The following TRIM71 variants were observed in gnomAD, a reference collection of about 807,000 sequenced individuals.
The protein encoded by TRIM71 is tripartite motif containing 71.
TRIM71 carries 9 observed loss-of-function variants against 61.2 expected under a neutral mutation model. The observed-to-expected ratio is 0.15, with a 90% CI of 0.09 to 0.26. The LOEUF (loss-of-function observed/expected upper bound fraction) is 0.26, where lower values mean the gene tolerates loss of function less well. TRIM71 is among the 10% of genes least tolerant of loss of function. TRIM71 has a pLI of 1.00. For missense variants in TRIM71, 998 were observed against 1,238.7 expected, an observed-to-expected ratio of 0.81 and a Z score of 2.92; for synonymous variants, 645 against 553.2, an observed-to-expected ratio of 1.17 and a Z score of -2.33.
At chr3:32,863,789 C>G (rs1214889996) in intron 1 of TRIM71, among the ~76,000 whole-genome samples, 1 of 152,020 alleles carries the variant, frequency 6.6e-6, no homozygotes, top group African/African-American at 2.4e-5. Context: ...TCAAGCAATT[C>G]TCCTGCCTCA....
intron 2 of TRIM71, among the ~76,000 whole-genome samples, chr3:32,874,395 C>T (rs1696833105): frequency 6.6e-6 from 1 of 152,042 alleles, no homozygotes; most frequent in Non-Finnish European, 1.5e-5. Flanking sequence ...ATGAGTCTTG[C>T]CCTGTCACCC....
intron 1 of TRIM71, among the ~76,000 whole-genome samples, chr3:32,848,912 C>T (rs947200613): frequency 2.0e-5 from 3 of 152,172 alleles, no homozygotes; most frequent in African/African-American, 7.2e-5. Flanking sequence ...CCCTAAGCCC[C>T]TAAACCCCAA....
At chr3:32,849,360 G>GT (rs1367536152) in intron 1 of TRIM71, among the ~76,000 whole-genome samples, 2 of 149,478 alleles carry the variant, frequency 1.3e-5, no homozygotes, top group East Asian at 4.0e-4. Context: ...GAGTTTTTTT[G>GT]GTTTTTTTTT....
chr3:32,875,834 CA>C (rs542398344), intron 2 of TRIM71, among the ~76,000 whole-genome samples: 1 of 151,656 alleles, frequency 6.6e-6, no homozygotes, highest in African/African-American at 2.4e-5. Context: ...GACTCTGTTT[CA>C]AAAAAAATCC....
rs562608109 is a variant in TRIM71, at chr3:32,893,547, C to G, written c.*1736C>G. On this transcript the variant is annotated 3_prime_UTR_variant, in exon 4 of 4. Transcript: ENST00000383763. ...CCTCCTCAGGGAAAAGAGGGACTCT[C>G]AAACAAACGTCAGTGACTTACAAGG... The G allele has an allele frequency of 6.6e-6, 1 of 152,164 alleles. No homozygotes were observed. Among genetic ancestry groups the G allele is most frequent in the Non-Finnish European group, 1.5e-5 (1 of 68,040 alleles). 9.4% of individuals were successfully genotyped at this position (152,164 alleles called of 1,614,324 possible).
At chr3:32,852,333 T>C (rs1161406173) in intron 1 of TRIM71, among the ~76,000 whole-genome samples, 2 of 152,208 alleles carry the variant, frequency 1.3e-5, no homozygotes, top group Non-Finnish European at 2.9e-5. Context: ...TTTCTCCAGC[T>C]TCTCCATATG....
At position 32,818,304 on chromosome 3, in the gene TRIM71, T is replaced by G. The variant is rs1696081423; in HGVS notation, c.224T>G (p.Leu75Arg). The change falls in exon 1 of 4, where the codon CTG becomes CGG. Residue 75 changes from leucine to arginine, a missense_variant. Around this residue, in one of 5 missense-constraint regions of TRIM71, gnomAD observed 527 missense variants for 427.8 expected, o/e 1.23. Coordinates refer to ENST00000383763, the MANE Select transcript of TRIM71 (RefSeq NM_001039111.3). ...CGCCCCTGCCTCGAGGCGCACCGGC[T>G]GCCGGCGGCGGGCGGCGGCGCGGCG... is the stretch of plus-strand genomic sequence containing the variant. ...FCRPCLEAHR[L>R]PAAGGGAAGE... The G allele has an allele frequency of 5.6e-6, 8 of 1,434,768 alleles. No individual in the cohort carries two copies. The highest frequency in any genetic ancestry group is 2.7e-5 in the South Asian group (2 of 72,836). 88.9% of individuals were successfully genotyped at this position (1,434,768 alleles called of 1,614,324 possible).
chr3:32,874,845 G>A (rs1204848640), intron 2 of TRIM71, among the ~76,000 whole-genome samples: 1 of 151,362 alleles, frequency 6.6e-6, no homozygotes, highest in African/African-American at 2.4e-5. Flanking sequence ...TTTGAGACAA[G>A]AGTCTCACTC....
At chr3:32,883,013 G>T (rs945330777) in intron 2 of TRIM71, among the ~76,000 whole-genome samples, 5 of 151,990 alleles carry the variant, frequency 3.3e-5, no homozygotes, top group African/African-American at 1.2e-4. Context: ...AGCTGCTTCT[G>T]CAGGTACTCT....
At position 32,864,845 on chromosome 3, in the gene TRIM71, G is replaced by GGTGTGT. The variant is rs10522411; in HGVS notation, c.853-8930_853-8925dup. 1.7e-3 allele frequency among the ~76,000 whole-genome samples: 256 copies of GGTGTGT among 146,426 alleles called. 1 individual carries two copies. The highest frequency in any genetic ancestry group is 0.013 in the East Asian group (62 of 4,794). ...ATGATTATACTTTTAAAAATTAAGT[G>GGTGTGT]GTGTGTGTGTGTGTGTGTGTGTGTG... On this transcript the variant is annotated intron_variant, in intron 1 of 3. Transcript: ENST00000383763.
chr3:32,868,292 G>A (rs896957121), intron 1 of TRIM71, among the ~76,000 whole-genome samples: 4 of 152,216 alleles, frequency 2.6e-5, no homozygotes, highest in East Asian at 1.9e-4. Flanking sequence ...AAAAGAATTC[G>A]GGAATTCTTA....
intron 1 of TRIM71, among the ~76,000 whole-genome samples, chr3:32,843,666 T>G (rs1158229032): frequency 1.3e-5 from 2 of 152,204 alleles, no homozygotes; most frequent in South Asian, 2.1e-4. Flanking sequence ...GCAGGCTTAA[T>G]GCCCGCCTGC....
intron 1 of TRIM71, among the ~76,000 whole-genome samples, chr3:32,847,289 C>T (rs1460312321): frequency 1.3e-5 from 2 of 151,674 alleles, no homozygotes; most frequent in Non-Finnish European, 2.9e-5. Context: ...CTCCGCGTCC[C>T]GGGTCCAAGT....
At chr3:32,849,118 C>G (rs913294752) in intron 1 of TRIM71, among the ~76,000 whole-genome samples, 13 of 152,128 alleles carry the variant, frequency 8.5e-5, no homozygotes, top group African/African-American at 3.1e-4. Context: ...ATGATAACTG[C>G]AAGTGAATTT....
At chr3:32,875,525 A>G (rs1696844617) in intron 2 of TRIM71, among the ~76,000 whole-genome samples, 1 of 152,226 alleles carries the variant, frequency 6.6e-6, no homozygotes, top group Admixed American at 6.5e-5. Context: ...TAGAATATTT[A>G]TATAAGTGAA....
intron 2 of TRIM71, among the ~76,000 whole-genome samples, chr3:32,881,605 G>T (rs2125690996): frequency 6.6e-6 from 1 of 152,332 alleles, no homozygotes; most frequent in South Asian, 2.1e-4. Flanking sequence ...TGTTTAATTA[G>T]ATCTGTTAAC....
chr3:32,879,802 G>C (rs769602480), intron 2 of TRIM71, among the ~76,000 whole-genome samples: 1 of 151,692 alleles, frequency 6.6e-6, no homozygotes. Context: ...GTGAGATCTT[G>C]TCTCTACAAA....
chr3:32,821,474 TA>T (rs35783474), intron 1 of TRIM71, among the ~76,000 whole-genome samples: 31,896 of 152,086 alleles, frequency 0.21, 3,377 homozygotes, highest in Middle Eastern at 0.31. Flanking sequence ...CATCCCCTTG[TA>T]AAATGCCTTC....
chr3:32,844,809 C>A (rs1049822165), intron 1 of TRIM71, among the ~76,000 whole-genome samples: 8 of 152,126 alleles, frequency 5.3e-5, no homozygotes, highest in Admixed American at 2.6e-4. Flanking sequence ...TTTAGCCATC[C>A]CCCTCCTCTG....
Sources: gnomAD v4.1 joint callset for allele counts (sites outside exome capture counted in the v4.1 genomes callset) on GRCh38, gnomAD v4.1.1 for gene constraint, gnomAD v4.1.1 regional missense constraint, MANE v1.5 for transcripts, NCBI Gene and HGNC (gene_info 2026-07-23, HGNC 2026-07-21) for gene names.